WIPI2: variants seen among roughly 807,000 people sequenced by gnomAD.
WIPI2 encodes the protein WD repeat domain, phosphoinositide interacting 2, also known as WD repeat domain phosphoinositide-interacting protein 2.
A neutral mutation model predicts 52.3 loss-of-function variants in WIPI2; 28 were observed. The observed-to-expected ratio is 0.54, with a 90% confidence interval of 0.40 to 0.73. The LOEUF (loss-of-function observed/expected upper bound fraction) is 0.73, where lower values mean the gene tolerates loss of function less well. WIPI2 is among the 30% of genes least tolerant of loss of function. The probability of loss-of-function intolerance (pLI) is 0.00; values close to 1 mark genes in which losing one functional copy is unlikely to be tolerated. For synonymous variants in WIPI2, 268 were observed against 245.0 expected (o/e 1.09, Z -0.88); for missense variants, 506 against 602.9 (o/e 0.84, Z 1.68).
rs1783696966 is a variant in WIPI2, at chr7:5,230,899, C to T, written c.1317C>T (p.Arg439=). ...ACLEDEASAL[R]LDEDSEHPPM... ...TGGAGGACGAGGCCAGCGCCCTGCG[C>T]CTGGATGAGGACAGCGAGCACCCGC... The change falls in exon 13 of 13, where the codon CGC becomes CGT. Residue 439 remains arginine, a synonymous_variant. Coordinates refer to ENST00000288828, the MANE Select transcript of WIPI2 (RefSeq NM_015610.4). This position sits in a 1 kb window ranked among gnomAD's most constrained non-coding sequence, Gnocchi z 4.8. 1.2e-6 allele frequency: 2 copies of T among 1,613,788 alleles called. No individual in the cohort carries two copies. The highest frequency in any genetic ancestry group is 2.2e-5 in the East Asian group (1 of 44,864).
At position 5,190,494 on chromosome 7, in the gene WIPI2, G is replaced by T; in HGVS notation, c.74+1G>T. On this transcript the variant is annotated splice_donor_variant, in intron 1 of 12. Coordinates refer to ENST00000288828, the MANE Select transcript of WIPI2 (RefSeq NM_015610.4). LOFTEE classifies it high-confidence loss of function. ...TCGCCAACTTCAACCAGGACAACAC[G>T]TAAGGCCGGGGTCGGGGGTCGGAGT... 6.6e-7 allele frequency: 1 copy of T among 1,504,052 alleles called. No homozygotes were observed. Among genetic ancestry groups the T allele is most frequent in the Non-Finnish European group, 8.9e-7 (1 of 1,125,080 alleles). 93.2% of individuals were successfully genotyped at this position (1,504,052 alleles called of 1,614,324 possible).
At chr7:5,222,557 G>C in intron 7 of WIPI2, 45 bp from the exon 8 acceptor site, 1 of 1,587,658 alleles carries the variant, frequency 6.3e-7, no homozygotes, top group Non-Finnish European at 8.6e-7. Flanking sequence ...GGAAATTCCT[G>C]TTTTAACTCA....
rs565448256 is a variant in WIPI2, at chr7:5,230,912, A to G, written c.1330A>G (p.Ser444Gly). Residue 444 changes from serine (S) to glycine (G), a missense_variant, in exon 13 of 13, where the codon AGC becomes GGC. By Grantham distance (56) the Ser-to-Gly change is moderately conservative. This residue lies in a region of WIPI2 where 194 missense variants were observed against 175.1 expected (regional missense o/e 1.11). Transcript: ENST00000288828. The surrounding 1 kb of genome is among the most constrained non-coding windows in gnomAD (Gnocchi z 4.8). The part of the protein sequence containing the change: ...EASALRLDED[S>G]EHPPMILRTD ...CAGCGCCCTGCGCCTGGATGAGGACAGCGAGCACCCGCCCATGATTCTTCG... is the reference window on the plus strand; with the variant it reads ...CAGCGCCCTGCGCCTGGATGAGGACGGCGAGCACCCGCCCATGATTCTTCG... 1.2e-6 allele frequency: 2 copies of G among 1,613,780 alleles called. No individual in the cohort carries two copies. Among genetic ancestry groups the G allele is most frequent in the African/African-American group, 1.3e-5 (1 of 75,054 alleles).
intron 2 of WIPI2, among the ~76,000 whole-genome samples, chr7:5,197,493 C>G (rs1781809089): frequency 6.6e-6 from 1 of 151,992 alleles, no homozygotes; most frequent in Non-Finnish European, 1.5e-5. Context: ...TTCATTGATA[C>G]AACAATTGAT....
At chr7:5,214,725 G>A (rs1474684090) in intron 4 of WIPI2, 21 bp downstream of exon 4, 3 of 1,611,982 alleles carry the variant, frequency 1.9e-6, no homozygotes, top group South Asian at 1.1e-5. Context: ...CCCCAGCTGG[G>A]TGTGGGCTTG....
chr7:5,223,578 G>C (rs1324117076), intron 8 of WIPI2, among the ~76,000 whole-genome samples: 1 of 152,104 alleles, frequency 6.6e-6, no homozygotes, highest in Non-Finnish European at 1.5e-5. Flanking sequence ...TTCCCCTCCT[G>C]TGCCTGTTTC....
chr7:5,191,269 A>G lies in WIPI2; in HGVS notation c.74+776A>G, dbSNP rs186750899. Reference sequence around the variant, plus strand: ...ATTCCTGACCTCAAGTGATCCGCCCACCTCAGCCTCCCAAAGTGCTGGGAT... The same window carrying G: ...ATTCCTGACCTCAAGTGATCCGCCCGCCTCAGCCTCCCAAAGTGCTGGGAT... On this transcript the variant is annotated intron_variant, in intron 1 of 12. Transcript: ENST00000288828. Among the ~76,000 whole-genome samples, 364 of 152,128 alleles carry G rather than the reference A, an allele frequency of 2.4e-3. 2 individuals carry two copies. Among genetic ancestry groups the G allele is most frequent in the African/African-American group, 8.3e-3 (346 of 41,494 alleles).
At chr7:5,201,111 C>A (rs1478087289) in intron 3 of WIPI2, among the ~76,000 whole-genome samples, 4 of 152,230 alleles carry the variant, frequency 2.6e-5, no homozygotes, top group African/African-American at 9.6e-5. Flanking sequence ...TGTCACCTGG[C>A]TGCCTTCACG....
intron 3 of WIPI2, among the ~76,000 whole-genome samples, chr7:5,212,359 T>TA (rs991180182): frequency 3.5e-4 from 53 of 152,272 alleles, no homozygotes; most frequent in South Asian, 1.7e-3. Context: ...GTGCAGCCCC[T>TA]AATACTACCA....
intron 3 of WIPI2, among the ~76,000 whole-genome samples, chr7:5,211,463 ACT>A (rs944600817): frequency 1.3e-5 from 2 of 151,956 alleles, no homozygotes; most frequent in Admixed American, 6.6e-5. Context: ...CAAAAGCAAA[ACT>A]CTGTCTCAAA....
chr7:5,209,371 C>T (rs1015633115), intron 3 of WIPI2, among the ~76,000 whole-genome samples: 8 of 152,112 alleles, frequency 5.3e-5, no homozygotes, highest in East Asian at 1.9e-4. Flanking sequence ...CTAGTCTTAA[C>T]GGGAAGAGAT....
intron 8 of WIPI2, among the ~76,000 whole-genome samples, chr7:5,223,249 G>A (rs994374166): frequency 3.3e-5 from 5 of 152,190 alleles, no homozygotes; most frequent in Admixed American, 6.5e-5. Context: ...TCTGGAGCCC[G>A]TGCCTCAGAT....
rs142025189 is a variant in WIPI2, at chr7:5,203,834, A to G, written c.211+4176A>G. Among the ~76,000 whole-genome samples the G allele has an allele frequency of 3.8e-3, 581 of 151,938 alleles. 7 individuals carry two copies. The highest frequency in any genetic ancestry group is 0.013 in the African/African-American group (544 of 41,476). The stretch of plus-strand genomic sequence containing the variant: ...GAGACAGGGTTTCACCGTGTTAGCC[A>G]GGATGGTCTCGATCTCCTGACCTCA... On this transcript the variant is annotated intron_variant, in intron 3 of 12. Coordinates refer to ENST00000288828, the MANE Select transcript of WIPI2 (RefSeq NM_015610.4).
At position 5,217,133 on chromosome 7, in the gene WIPI2, G is replaced by T; in HGVS notation, c.522G>T (p.Ala174=). 1 of 1,614,018 alleles carries T rather than the reference G, an allele frequency of 6.2e-7. No individual in the cohort carries two copies. The highest frequency in any genetic ancestry group is 8.5e-7 in the Non-Finnish European group (1 of 1,179,948). The change falls in exon 6 of 13, where the codon GCG becomes GCT. Residue 174 remains alanine (A), a synonymous_variant. Transcript: ENST00000288828. ...TCAACAACGACAACTGCTACTTGGC[G>T]TACCCAGGGAGCGCGACCATCGGAG... The part of the protein sequence containing the change: ...LSINNDNCYL[A]YPGSATIGEV...
intron 6 of WIPI2, 47 bp downstream of exon 6, chr7:5,217,234 T>C (rs754615500): frequency 2.5e-6 from 4 of 1,597,634 alleles, no homozygotes; most frequent in Non-Finnish European, 3.4e-6. Context: ...TGTGGCTTTT[T>C]CCTGAAGAGG....
rs1783661865 is a variant in WIPI2 at position 5,230,163 on chromosome 7, A to C, written c.1252+425A>C. On this transcript the variant is annotated intron_variant, in intron 12 of 12. Coordinates refer to ENST00000288828, the MANE Select transcript of WIPI2 (RefSeq NM_015610.4). This position sits in a 1 kb window ranked among gnomAD's most constrained non-coding sequence, Gnocchi z 4.8. Reference sequence around the variant, plus strand: ...GCCCAGACTGGCCACCTCTCAGCCAAGATACCACCCTGAAAAGTACTGCCA... The same window carrying C: ...GCCCAGACTGGCCACCTCTCAGCCACGATACCACCCTGAAAAGTACTGCCA... Among the ~76,000 whole-genome samples, 1 of 152,134 alleles carries C rather than the reference A, an allele frequency of 6.6e-6. No individual in the cohort carries two copies. Among genetic ancestry groups the C allele is most frequent in the Admixed American group, 6.5e-5 (1 of 15,274 alleles).
Position 5,230,706 on chromosome 7 carries a change from G to A in WIPI2, c.1253-129G>A. 1 of 557,684 alleles carries A rather than the reference G, an allele frequency of 1.8e-6. No individual in the cohort carries two copies. Among genetic ancestry groups the A allele is most frequent in the Non-Finnish European group, 3.0e-6 (1 of 332,252 alleles). The allele number at this position is 557,684 out of a possible 1,614,324, so 34.5% of individuals were successfully genotyped here. On this transcript the variant is annotated intron_variant, in intron 12 of 12. Coordinates refer to ENST00000288828, the MANE Select transcript of WIPI2 (RefSeq NM_015610.4). This position sits in a 1 kb window ranked among gnomAD's most constrained non-coding sequence, Gnocchi z 4.8. ...TTCATTAGAAAGCAATCAGAATTCA[G>A]AACGTCTTAGTACAGGCTTCAGTTT...
chr7:5,191,349 T>A (rs1398100688), intron 1 of WIPI2, among the ~76,000 whole-genome samples: 1 of 152,132 alleles, frequency 6.6e-6, no homozygotes, highest in Non-Finnish European at 1.5e-5. Flanking sequence ...GACATCAACT[T>A]TGATGTCTTC....
intron 3 of WIPI2, among the ~76,000 whole-genome samples, chr7:5,206,810 C>G (rs1002793942): frequency 4.6e-5 from 7 of 152,262 alleles, no homozygotes; most frequent in African/African-American, 1.7e-4. Context: ...AGCTCTGTCA[C>G]CCAGGCTGCC....
Sources: allele counts gnomAD v4.1 joint callset (sites outside exome capture counted in the v4.1 genomes callset), GRCh38; gene constraint gnomAD v4.1.1; regional missense constraint gnomAD v4.1.1; non-coding constraint Gnocchi (gnomAD v3.1); transcripts MANE v1.5; gene names NCBI Gene and HGNC (gene_info 2026-07-23, HGNC 2026-07-21).